Variants in CDH3 observed in about 807,000 individuals in gnomAD.
CDH3 encodes cadherin 3, also known as cadherin-3.
CDH3 carries 54 observed loss-of-function variants against 82.0 expected under a neutral mutation model. The observed-to-expected ratio is 0.66, with a 90% CI of 0.53 to 0.83. CDH3 has a LOEUF of 0.83. Among genes scored for constraint, CDH3 ranks in the 40% least tolerant of loss-of-function variants. The pLI, the probability that CDH3 is intolerant of heterozygous loss-of-function variation, is 0.00. For missense variants in CDH3, 1,054 were observed against 1,084.6 expected, an observed-to-expected ratio of 0.97 and a Z score of 0.40; for synonymous variants, 446 against 437.9, an observed-to-expected ratio of 1.02 and a Z score of -0.23.
intron 1 of CDH3, among the ~76,000 whole-genome samples, chr16:68,721,982 A>G (rs374256792): frequency 6.6e-6 from 1 of 152,098 alleles, no homozygotes; most frequent in African/African-American, 2.4e-5. Flanking sequence ...CCAGCTACTC[A>G]GGAGACTGAG....
intron 11 of CDH3, 56 bp from the exon 12 acceptor site, chr16:68,687,456 C>G (rs1961443943): frequency 3.5e-6 from 5 of 1,447,896 alleles, no homozygotes; most frequent in Admixed American, 1.7e-5. Context: ...GAGGAGCCCC[C>G]CTGAGGCTGA....
At chr16:68,729,418 GAAAC>G (rs1482142818), downstream of CDH3, among the ~76,000 whole-genome samples, 17 of 152,206 alleles carry the variant, frequency 1.1e-4, no homozygotes, top group East Asian at 3.9e-4. Context: ...CATCAAAATA[GAAAC>G]AAACAAAGGA....
In CDH3 at chr16:68,676,464, A is replaced by C; in HGVS notation, c.240A>C (p.Thr80=). Reference sequence around the variant, plus strand: ...ACTTCACTGTGCGGAATGGCGAGACAGTCCAGGTAAAATACCATGTCCACC... The same window carrying C: ...ACTTCACTGTGCGGAATGGCGAGACCGTCCAGGTAAAATACCATGTCCACC... The part of the protein sequence containing the change: ...NDDFTVRNGE[T]VQERRSLKER... Residue 80 remains threonine (T), a synonymous_variant, in exon 3 of 16, where the codon ACA becomes ACC. Coordinates refer to ENST00000264012, the MANE Select transcript of CDH3 (RefSeq NM_001793.6). The C allele has an allele frequency of 6.2e-7, 1 of 1,611,970 alleles. No homozygotes were observed. Among genetic ancestry groups the C allele is most frequent in the Non-Finnish European group, 8.5e-7 (1 of 1,177,970 alleles).
Position 68,698,280 on chromosome 16 carries a change from G to A in CDH3, c.2370G>A (p.Ala790=), listed in dbSNP as rs533035937. 22 of 1,614,198 alleles carry A rather than the reference G, an allele frequency of 1.4e-5. No individual in the cohort carries two copies. The East Asian group carries it at 2.2e-4, about 16-fold the overall frequency. The change falls in exon 16 of 16, where the codon GCG becomes GCA. Residue 790 remains alanine, a synonymous_variant. Coordinates refer to ENST00000264012, the MANE Select transcript of CDH3 (RefSeq NM_001793.6). ...FDYEGSGSDA[A]SLSSLTSSAS... The stretch of plus-strand genomic sequence containing the variant: ...ATGAGGGCAGCGGCTCCGACGCCGC[G>A]TCCCTGAGCTCCCTCACCTCCTCCG...
At chr16:68,677,397 ACT>A (rs1406520191) in intron 3 of CDH3, among the ~76,000 whole-genome samples, 3 of 152,176 alleles carry the variant, frequency 2.0e-5, no homozygotes, top group Non-Finnish European at 4.4e-5. Context: ...AAAATGCTAA[ACT>A]CTATTAAGCT....
At chr16:68,647,224 T>C (rs553579687) in intron 2 of CDH3, among the ~76,000 whole-genome samples, 2 of 152,200 alleles carry the variant, frequency 1.3e-5, no homozygotes, top group African/African-American at 4.8e-5. Flanking sequence ...GGAAGCCTTA[T>C]TGCTAACCAG....
At chr16:68,688,866 C>T (rs1473302281) in intron 12 of CDH3, among the ~76,000 whole-genome samples, 1 of 152,180 alleles carries the variant, frequency 6.6e-6, no homozygotes, top group Non-Finnish European at 1.5e-5. Flanking sequence ...GTGATCCTCT[C>T]GCCTTGGCCT....
At chr16:68,677,648 G>C (rs931981857) in intron 3 of CDH3, among the ~76,000 whole-genome samples, 3 of 152,202 alleles carry the variant, frequency 2.0e-5, no homozygotes, top group African/African-American at 7.2e-5. Flanking sequence ...TGAGGCAGGA[G>C]AATCACTTGA....
intron 2 of CDH3, among the ~76,000 whole-genome samples, chr16:68,649,006 G>A (rs1597787632): frequency 6.6e-6 from 1 of 152,024 alleles, no homozygotes; most frequent in Admixed American, 6.6e-5. Flanking sequence ...AAGGAAAGCC[G>A]GCACATTCCC....
chr16:68,675,632 T>TA (rs1200495830), intron 2 of CDH3, among the ~76,000 whole-genome samples: 1 of 151,688 alleles, frequency 6.6e-6, no homozygotes, highest in African/African-American at 2.4e-5. Flanking sequence ...CAATCTCTAC[T>TA]AAAAAACAAA....
chr16:68,646,241 TC>T (rs1362349727), intron 2 of CDH3: 1 of 169,280 alleles, frequency 5.9e-6, no homozygotes, highest in Admixed American at 5.8e-5. Flanking sequence ...CCCCCCTTCT[TC>T]CTCGGCAGCT....
Position 68,682,460 on chromosome 16 carries a change from C to T in CDH3, c.1155C>T (p.Ser385=). 1 of 1,614,144 alleles carries T rather than the reference C, an allele frequency of 6.2e-7. No homozygotes were observed. Among genetic ancestry groups the T allele is most frequent in the South Asian group, 1.1e-5 (1 of 91,080 alleles). ...DHFTITTHPE[S]NQGILTTRKG... Reference sequence around the variant, plus strand: ...TTACCATCACCACCCACCCTGAGAGCAACCAGGGCATCCTGACAACCAGGA... The same window carrying T: ...TTACCATCACCACCCACCCTGAGAGTAACCAGGGCATCCTGACAACCAGGA... The change falls in exon 9 of 16, where the codon AGC becomes AGT. Residue 385 remains serine, a synonymous_variant. Transcript: ENST00000264012.
At chr16:68,686,545 G>C in intron 11 of CDH3, 1 of 1,160,590 alleles carries the variant, frequency 8.6e-7, no homozygotes, top group South Asian at 1.2e-5. Context: ...CTAAAGGAAA[G>C]GGTGGAGGGA....
intron 2 of CDH3, among the ~76,000 whole-genome samples, chr16:68,668,219 G>A (rs1355963709): frequency 6.6e-6 from 1 of 152,106 alleles, no homozygotes. Flanking sequence ...CTGAACTATT[G>A]CCCCATGTGC....
chr16:68,660,227 C>T (rs893831458), intron 2 of CDH3, among the ~76,000 whole-genome samples: 2 of 152,208 alleles, frequency 1.3e-5, no homozygotes, highest in Non-Finnish European at 2.9e-5. Flanking sequence ...ACAGACTCTG[C>T]TGTAAACTTA....
downstream of CDH3, among the ~76,000 whole-genome samples, chr16:68,732,328 G>T (rs1260196916): frequency 6.6e-6 from 1 of 152,190 alleles, no homozygotes; most frequent in Non-Finnish European, 1.5e-5. Context: ...CTGGAGAGGG[G>T]CACCTCCCAC....
downstream of CDH3, among the ~76,000 whole-genome samples, chr16:68,728,515 C>T (rs1330907259): frequency 1.3e-5 from 2 of 152,022 alleles, no homozygotes; most frequent in African/African-American, 2.4e-5. Flanking sequence ...AGGCTGATCT[C>T]GAACTCCTGA....
intron 2 of CDH3, among the ~76,000 whole-genome samples, chr16:68,672,154 C>G (rs1960898818): frequency 6.8e-6 from 1 of 147,542 alleles, no homozygotes; most frequent in East Asian, 2.0e-4. Context: ...GATTGCGCCA[C>G]TGCACTCCAG....
At chr16:68,710,367 T>C (rs991052474) in intron 1 of CDH3, among the ~76,000 whole-genome samples, 13 of 152,334 alleles carry the variant, frequency 8.5e-5, no homozygotes, top group African/African-American at 3.1e-4. Flanking sequence ...AACCGAGTGG[T>C]TCTCAACCAG....
Sources: gnomAD v4.1 joint callset for allele counts (sites outside exome capture counted in the v4.1 genomes callset) on GRCh38, gnomAD v4.1.1 for gene constraint, MANE v1.5 for transcripts, NCBI Gene and HGNC (gene_info 2026-07-23, HGNC 2026-07-21) for gene names.